The following MAF variants were observed in gnomAD, a reference collection of about 807,000 sequenced individuals.
MAF encodes transcription factor Maf.
A neutral mutation model predicts 22.0 loss-of-function variants in MAF; 10 were observed. The observed-to-expected ratio is 0.45, with a 90% CI of 0.28 to 0.77. The LOEUF (loss-of-function observed/expected upper bound fraction) is 0.77, where lower values mean the gene tolerates loss of function less well. Among genes scored for constraint, MAF ranks in the 30% least tolerant of loss-of-function variants. The pLI is 0.12. For missense variants in MAF, 544 were observed against 548.4 expected, an observed-to-expected ratio of 0.99 and a Z score of 0.08; for synonymous variants, 337 against 255.8, an observed-to-expected ratio of 1.32 and a Z score of -3.03.
chr16:79,272,037 G>C, the MAF span, among the ~76,000 whole-genome samples: 3 of 152,132 alleles, frequency 2.0e-5, no homozygotes, highest in Non-Finnish European at 4.4e-5. Flanking sequence ...AGGGTAGTTT[G>C]TTCTCCCAGC....
chr16:79,347,676 G>A, the MAF span, among the ~76,000 whole-genome samples: 1 of 152,176 alleles, frequency 6.6e-6, no homozygotes, highest in Middle Eastern at 3.2e-3. Flanking sequence ...CCGGGCTGGG[G>A]ACAGTCCGGC....
the MAF span, among the ~76,000 whole-genome samples, chr16:79,222,953 A>T: frequency 6.6e-6 from 1 of 152,224 alleles, no homozygotes; most frequent in African/African-American, 2.4e-5. Flanking sequence ...AATATTAGAC[A>T]TATCGACGAG....
the MAF span, among the ~76,000 whole-genome samples, chr16:79,514,214 A>C: frequency 3.3e-5 from 5 of 152,214 alleles, no homozygotes; most frequent in African/African-American, 1.2e-4. Context: ...CTCATTGTCT[A>C]TTCATAGTGG....
chr16:79,209,567 G>C, the MAF span, among the ~76,000 whole-genome samples: 1 of 152,198 alleles, frequency 6.6e-6, no homozygotes, highest in Non-Finnish European at 1.5e-5. Context: ...CCACTCGGGA[G>C]TTAATGGCAA....
At chr16:79,489,616 A>T in the MAF span, among the ~76,000 whole-genome samples, 1 of 152,242 alleles carries the variant, frequency 6.6e-6, no homozygotes, top group East Asian at 1.9e-4. Flanking sequence ...AGACTGAAAG[A>T]AAGTGGTGGA....
the MAF span, among the ~76,000 whole-genome samples, chr16:79,564,518 G>C: frequency 1.3e-5 from 2 of 152,186 alleles, no homozygotes; most frequent in African/African-American, 2.4e-5. Flanking sequence ...GATGGAAGAA[G>C]ACTTCCACTG....
At chr16:79,347,158 G>A in the MAF span, among the ~76,000 whole-genome samples, 1 of 152,218 alleles carries the variant, frequency 6.6e-6, no homozygotes, top group Admixed American at 6.5e-5. Context: ...GCTAAAATCT[G>A]TGCAGCCACA....
the MAF span, among the ~76,000 whole-genome samples, chr16:79,549,813 G>T: frequency 6.6e-6 from 1 of 152,122 alleles, no homozygotes; most frequent in Non-Finnish European, 1.5e-5. Flanking sequence ...TTGAATCTAG[G>T]GATGGAATGC....
At chr16:79,596,943 AC>A in intron 1 of MAF, 5 of 1,050,112 alleles carry the variant, frequency 4.8e-6, no homozygotes, top group Admixed American at 5.5e-5. Context: ...AGTCCCAAAT[AC>A]TTTAATTTTG....
chr16:79,394,363 G>T, the MAF span, among the ~76,000 whole-genome samples: 2 of 152,116 alleles, frequency 1.3e-5, no homozygotes, highest in African/African-American at 4.8e-5. Flanking sequence ...AGTGATTTCT[G>T]CCGGGAGGCT....
chr16:79,581,754 G>T (rs529881763), downstream of MAF, among the ~76,000 whole-genome samples: 4 of 152,122 alleles, frequency 2.6e-5, no homozygotes, highest in African/African-American at 9.7e-5. Flanking sequence ...TCTCTTTTTG[G>T]ACTGTCAGGC....
At chr16:79,422,774 C>A in the MAF span, among the ~76,000 whole-genome samples, 1 of 152,018 alleles carries the variant, frequency 6.6e-6, no homozygotes, top group African/African-American at 2.4e-5. Flanking sequence ...TATGTTGGTG[C>A]GAAAGTAATT....
chr16:79,353,459 G>A, the MAF span, among the ~76,000 whole-genome samples: 2 of 152,138 alleles, frequency 1.3e-5, no homozygotes, highest in Non-Finnish European at 2.9e-5. Context: ...AAGTTATTTT[G>A]AAGTTATGAG....
chr16:79,379,515 ACACAC>A, the MAF span, among the ~76,000 whole-genome samples: 1 of 152,138 alleles, frequency 6.6e-6, no homozygotes, highest in Non-Finnish European at 1.5e-5. Flanking sequence ...ACACACACAC[ACACAC>A]ACACACACAC....
At chr16:79,532,253 G>C in the MAF span, among the ~76,000 whole-genome samples, 71,987 of 152,008 alleles carry the variant, frequency 0.47, 19,179 homozygotes, top group East Asian at 0.59. Context: ...GGTTTGAGAA[G>C]AACCAAGGCA....
the MAF span, among the ~76,000 whole-genome samples, chr16:79,370,378 G>A: frequency 6.6e-6 from 1 of 152,194 alleles, no homozygotes; most frequent in Non-Finnish European, 1.5e-5. Flanking sequence ...AGCACTTAAT[G>A]TGCTGGGTGG....
chr16:79,264,402 A>G, the MAF span: 1 of 152,242 alleles, frequency 6.6e-6, no homozygotes, highest in Non-Finnish European at 1.5e-5. Flanking sequence ...TGGCCAAGTC[A>G]TCAGTTAGGT....
chr16:79,383,874 A>G, the MAF span, among the ~76,000 whole-genome samples: 5 of 152,362 alleles, frequency 3.3e-5, no homozygotes, highest in South Asian at 8.3e-4. Context: ...GAAATCTGTT[A>G]GATACATTTG....
rs1488234895 is a variant in MAF, at chr16:79,598,904, C to T, written c.999G>A (p.Glu333=). Reference sequence around the variant, plus strand: ...CCCTCTCGCGCACCAGCCTGGAGATCTCCTGCTTGAGGTGGTCGACTTGCT... The same window carrying T: ...CCCTCTCGCGCACCAGCCTGGAGATTTCCTGCTTGAGGTGGTCGACTTGCT... ...LLQQVDHLKQ[E]ISRLVRERDA... Residue 333 remains glutamate, a synonymous_variant, in exon 1 of 2, where the codon GAG becomes GAA. Coordinates refer to ENST00000326043, the MANE Select transcript of MAF (RefSeq NM_005360.5). The T allele has an allele frequency of 6.2e-7, 1 of 1,613,840 alleles. No individual in the cohort carries two copies.
Sources: allele counts gnomAD v4.1 joint callset (sites outside exome capture counted in the v4.1 genomes callset), GRCh38; gene constraint gnomAD v4.1.1; transcripts MANE v1.5; gene names NCBI Gene and HGNC (gene_info 2026-07-23, HGNC 2026-07-21).